The following SAXO4 variants were observed in gnomAD, a reference collection of about 807,000 sequenced individuals.
The protein encoded by SAXO4 is stabilizer of axonemal microtubules 4.
At chr11:61,486,735 C>A in the SAXO4 span, 3 of 1,008,606 alleles carry the variant, frequency 3.0e-6, no homozygotes, top group African/African-American at 1.6e-5. Flanking sequence ...TGGAGGTAGG[C>A]CCTCAGGTGG....
chr11:61,482,673 T>C, the SAXO4 span: 1 of 1,614,046 alleles, frequency 6.2e-7, no homozygotes, highest in Admixed American at 1.7e-5. Flanking sequence ...CCCAGGACCA[T>C]TTCCAGTCTG....
At chr11:61,485,404 A>G in the SAXO4 span, 1 of 1,612,496 alleles carries the variant, frequency 6.2e-7, no homozygotes, top group South Asian at 1.1e-5. Flanking sequence ...CCAGCCAGGT[A>G]GGCCCTGTCT....
At chr11:61,484,831 A>G in the SAXO4 span, 30,710 of 1,560,610 alleles carry the variant, frequency 0.02, 1,602 homozygotes, top group African/African-American at 0.19. Flanking sequence ...GTGGCAGCCC[A>G]GCTAAGGGCT....
chr11:61,486,379 C>T, the SAXO4 span: 2 of 1,614,176 alleles, frequency 1.2e-6, no homozygotes, highest in Non-Finnish European at 8.5e-7. Flanking sequence ...CCAAGTCAGA[C>T]TTCCTCCCCA....
At chr11:61,490,369 ATGTT>A in the SAXO4 span, 1 of 804,300 alleles carries the variant, frequency 1.2e-6, no homozygotes, top group Admixed American at 1.9e-5. Context: ...CAGGCAAAGA[ATGTT>A]TGTGGCTTGG....
chr11:61,481,743 G>C, the SAXO4 span: 6 of 911,414 alleles, frequency 6.6e-6, no homozygotes, highest in Non-Finnish European at 7.9e-6. Context: ...TTCCGAGCCA[G>C]GCTTGGGACC....
chr11:61,483,956 C>G, the SAXO4 span, among the ~76,000 whole-genome samples: 9 of 150,610 alleles, frequency 6.0e-5, no homozygotes, highest in Non-Finnish European at 7.4e-5. Flanking sequence ...AAAAATAAAG[C>G]CAGGCGTGGT....
At chr11:61,489,543 G>C in the SAXO4 span, 1 of 591,072 alleles carries the variant, frequency 1.7e-6, no homozygotes, top group East Asian at 2.8e-5. Flanking sequence ...CAGGGACAGG[G>C]GCATCACTGA....
chr11:61,490,674 C>A, the SAXO4 span: 1 of 1,205,102 alleles, frequency 8.3e-7, no homozygotes, highest in Non-Finnish European at 1.2e-6. Flanking sequence ...CTGGGTTAAG[C>A]AAGTCCTGCC....
chr11:61,484,672 C>T, the SAXO4 span: 1 of 1,612,708 alleles, frequency 6.2e-7, no homozygotes. Context: ...TTGTAATTGG[C>T]CCTTCTTCCT....
chr11:61,486,882 C>T, the SAXO4 span: 62 of 1,355,346 alleles, frequency 4.6e-5, no homozygotes, highest in East Asian at 3.0e-4. Flanking sequence ...GCCTGCTCCC[C>T]TCTCCATCCC....
At chr11:61,482,482 C>T in the SAXO4 span, 6 of 1,579,346 alleles carry the variant, frequency 3.8e-6, no homozygotes, top group Admixed American at 8.4e-5. Flanking sequence ...AGACCAACTC[C>T]AGGTTCCTTG....
the SAXO4 span, chr11:61,486,356 G>A: frequency 1.9e-6 from 3 of 1,613,968 alleles, no homozygotes; most frequent in East Asian, 6.7e-5. Flanking sequence ...CCTCCTCCCA[G>A]GCCAGAGTGT....
At chr11:61,487,262 A>C in the SAXO4 span, 3 of 1,598,260 alleles carry the variant, frequency 1.9e-6, no homozygotes, top group South Asian at 3.3e-5. Flanking sequence ...TTCCTGGTCC[A>C]AAGCTGAAAC....
chr11:61,484,543 C>A, the SAXO4 span: 1 of 1,063,848 alleles, frequency 9.4e-7, no homozygotes, highest in Non-Finnish European at 1.3e-6. Context: ...GGGCTCTAAG[C>A]AGAGAGGGGA....
the SAXO4 span, chr11:61,489,017 CAG>C: frequency 6.6e-6 from 1 of 152,392 alleles, no homozygotes; most frequent in East Asian, 1.9e-4. Context: ...GGAGGAGCAA[CAG>C]AGAGTCTGAG....
chr11:61,488,179 G>A, the SAXO4 span, among the ~76,000 whole-genome samples: 4 of 151,772 alleles, frequency 2.6e-5, no homozygotes, highest in Non-Finnish European at 4.4e-5. Context: ...TAGAGATGGG[G>A]TTTCGCCATG....
the SAXO4 span, chr11:61,490,795 C>A: frequency 1.7e-6 from 1 of 590,016 alleles, no homozygotes; most frequent in Non-Finnish European, 3.0e-6. Context: ...CAGGCCTCGC[C>A]TCTGCTTCTC....
At chr11:61,484,853 C>G in the SAXO4 span, 1 of 1,532,280 alleles carries the variant, frequency 6.5e-7, no homozygotes, top group East Asian at 2.5e-5. Context: ...CGGGGTGGGG[C>G]AGAGGGGCCA....
Sources: gnomAD v4.1 joint callset for allele counts (sites outside exome capture counted in the v4.1 genomes callset) on GRCh38, gnomAD v4.1.1 for gene constraint, MANE v1.5 for transcripts, NCBI Gene and HGNC (gene_info 2026-07-23, HGNC 2026-07-21) for gene names.